Variants in DCC observed in about 807,000 individuals in gnomAD.
DCC encodes the protein DCC netrin 1 receptor, also known as netrin receptor DCC.
DCC carries 58 observed loss-of-function variants against 172.5 expected under a neutral mutation model. That is an observed-to-expected ratio of 0.34 (90% CI 0.27 to 0.42). The LOEUF is 0.42. DCC is among the 10% of genes least tolerant of loss of function. The pLI is 1.00. For missense variants in DCC, 1,740 were observed against 1,791.0 expected (o/e 0.97, Z 0.51); for synonymous variants, 709 against 644.5 (o/e 1.10, Z -1.52).
intron 2 of DCC, among the ~76,000 whole-genome samples, chr18:52,820,483 T>C (rs2092186882): frequency 1.3e-5 from 2 of 150,066 alleles, no homozygotes; most frequent in Admixed American, 1.3e-4. Context: ...AACCTAGCCA[T>C]ACATTCATGT....
At chr18:52,500,283 G>A (rs1352431199) in intron 1 of DCC, among the ~76,000 whole-genome samples, 2 of 152,214 alleles carry the variant, frequency 1.3e-5, no homozygotes, top group South Asian at 2.1e-4. Flanking sequence ...GAGCAAGGAC[G>A]CGTGTAAAGG....
rs186081607 is a variant in DCC at position 53,517,568 on chromosome 18, G to A, written c.4112-9049G>A. ...TAACCATTAGTACCTTAACCCTCTC[G>A]TCTCATTTTTCACAGACAGGTGGCC... On this transcript the variant is annotated intron_variant, in intron 27 of 28. Coordinates refer to ENST00000442544, the MANE Select transcript of DCC (RefSeq NM_005215.4). Among the ~76,000 whole-genome samples, 16 of 152,014 alleles carry A rather than the reference G, an allele frequency of 1.1e-4. 1 individual carries two copies. In the East Asian group the frequency reaches 2.7e-3, roughly 26 times the overall value.
intron 2 of DCC, among the ~76,000 whole-genome samples, chr18:52,847,496 T>A (rs1359031354): frequency 6.6e-6 from 1 of 152,194 alleles, no homozygotes; most frequent in Non-Finnish European, 1.5e-5. Flanking sequence ...AGCATAATAA[T>A]GATGCATTAA....
chr18:53,383,941 A>T (rs1021840038), intron 15 of DCC, among the ~76,000 whole-genome samples: 1 of 152,144 alleles, frequency 6.6e-6, no homozygotes, highest in African/African-American at 2.4e-5. Context: ...TAATTATTGA[A>T]GTATTTATCT....
intron 1 of DCC, among the ~76,000 whole-genome samples, chr18:52,471,680 T>C (rs1988950449): frequency 6.6e-6 from 1 of 152,186 alleles, no homozygotes; most frequent in Non-Finnish European, 1.5e-5. Context: ...GTAGTAAATA[T>C]ATATCAGAGT....
intron 12 of DCC, among the ~76,000 whole-genome samples, chr18:53,290,630 C>CTTTT (rs1165769486): frequency 6.6e-6 from 1 of 151,962 alleles, no homozygotes; most frequent in African/African-American, 2.4e-5. Context: ...ATAGCCACTT[C>CTTTT]TGTGGTTTCA....
At chr18:53,343,340 T>C (rs905113896) in intron 15 of DCC, among the ~76,000 whole-genome samples, 3 of 152,008 alleles carry the variant, frequency 2.0e-5, no homozygotes, top group Non-Finnish European at 4.4e-5. Context: ...AATGCTATAC[T>C]CTTTCTAGTT....
intron 25 of DCC, among the ~76,000 whole-genome samples, chr18:53,469,972 T>C (rs1287916909): frequency 6.6e-6 from 1 of 152,102 alleles, no homozygotes; most frequent in Non-Finnish European, 1.5e-5. Flanking sequence ...TGAAACACTT[T>C]CTCTTTGGCT....
chr18:53,516,481 A>G (rs1172085474), intron 27 of DCC, among the ~76,000 whole-genome samples: 2 of 148,260 alleles, frequency 1.3e-5, no homozygotes, highest in East Asian at 2.0e-4. Flanking sequence ...GCTTCTGCAC[A>G]GCAAAAGAAA....
chr18:52,838,932 G>T (rs1165308226), intron 2 of DCC, among the ~76,000 whole-genome samples: 1 of 152,086 alleles, frequency 6.6e-6, no homozygotes, highest in Non-Finnish European at 1.5e-5. Context: ...GATTTAAGCT[G>T]GTTCTGGGAA....
intron 2 of DCC, among the ~76,000 whole-genome samples, chr18:52,883,375 TGTGTGTGTGTGTGTGTGA>T (rs1185663430): frequency 2.7e-4 from 34 of 126,740 alleles, no homozygotes; most frequent in South Asian, 7.9e-4. Flanking sequence ...TGTGTGTGTG[TGTGTGTGTGTGTGTGTGA>T]GATCTCTTTC....
intron 1 of DCC, among the ~76,000 whole-genome samples, chr18:52,510,901 C>A (rs1031854640): frequency 1.3e-5 from 2 of 151,946 alleles, no homozygotes; most frequent in African/African-American, 4.8e-5. Context: ...ATTACAGTGT[C>A]CTGATTTACA....
chr18:53,336,685 C>T (rs2057595195), intron 14 of DCC, among the ~76,000 whole-genome samples: 2 of 152,128 alleles, frequency 1.3e-5, no homozygotes, highest in Non-Finnish European at 2.9e-5. Flanking sequence ...AACTCTGTCT[C>T]TACAAAAACA....
At chr18:53,211,938 C>T (rs568876074) in intron 11 of DCC, among the ~76,000 whole-genome samples, 10 of 152,148 alleles carry the variant, frequency 6.6e-5, no homozygotes, top group African/African-American at 2.4e-4. Context: ...ACCCCAGCTA[C>T]TCGGAAGGCT....
At chr18:52,450,519 A>G (rs548706890) in intron 1 of DCC, among the ~76,000 whole-genome samples, 3 of 152,318 alleles carry the variant, frequency 2.0e-5, no homozygotes, top group Non-Finnish European at 2.9e-5. Flanking sequence ...TTGAACAATA[A>G]ATTAAGTGGT....
chr18:53,049,036 G>A (rs2042298126), intron 5 of DCC, among the ~76,000 whole-genome samples: 1 of 151,754 alleles, frequency 6.6e-6, no homozygotes. Flanking sequence ...GGGTTGTTTA[G>A]TATTTTTTTT....
At chr18:52,620,133 C>T (rs1287420160) in intron 1 of DCC, among the ~76,000 whole-genome samples, 1 of 152,138 alleles carries the variant, frequency 6.6e-6, no homozygotes, top group Non-Finnish European at 1.5e-5. Flanking sequence ...TTTGGAAAAG[C>T]TTTGGATTTG....
Position 52,576,006 on chromosome 18 carries a change from A to C in DCC, c.92-176048A>C, listed in dbSNP as rs1144088. ...GGAAGATCTCTCTCCAGACTTCTTC[A>C]TCCTGAAGAGGAGATTGTTATGGCG... On this transcript the variant is annotated intron_variant, in intron 1 of 28. Transcript: ENST00000442544. 7.2e-3 allele frequency among the ~76,000 whole-genome samples: 1,098 copies of C among 152,308 alleles called. 3 individuals carry two copies. The highest frequency in any genetic ancestry group is 0.024 in the Middle Eastern group (7 of 294).
intron 1 of DCC, among the ~76,000 whole-genome samples, chr18:52,365,160 G>T (rs890715939): frequency 6.6e-6 from 1 of 152,156 alleles, no homozygotes; most frequent in Non-Finnish European, 1.5e-5. Flanking sequence ...ATCTTAAGAA[G>T]ATTAATGAGA....
Sources: allele counts gnomAD v4.1 joint callset (sites outside exome capture counted in the v4.1 genomes callset), GRCh38; gene constraint gnomAD v4.1.1; transcripts MANE v1.5; gene names NCBI Gene and HGNC (gene_info 2026-07-23, HGNC 2026-07-21).